Variants in KCND2 observed in about 807,000 individuals in gnomAD.
KCND2 encodes A-type voltage-gated potassium channel KCND2.
KCND2 carries 16 observed loss-of-function variants against 54.4 expected under a neutral mutation model. The ratio of observed to expected loss-of-function variants is 0.29; its 90% CI spans 0.20 to 0.45. The LOEUF is 0.45. Among genes scored for constraint, KCND2 ranks in the 20% least tolerant of loss-of-function variants. The pLI, the probability that KCND2 is intolerant of heterozygous loss-of-function variation, is 1.00. For missense variants in KCND2, 486 were observed against 824.2 expected, an observed-to-expected ratio of 0.59 and a Z score of 5.02; for synonymous variants, 317 against 310.7, an observed-to-expected ratio of 1.02 and a Z score of -0.21.
intron 1 of KCND2, among the ~76,000 whole-genome samples, chr7:120,630,152 A>T (rs1370070251): frequency 6.6e-6 from 1 of 152,180 alleles, no homozygotes; most frequent in East Asian, 1.9e-4. Context: ...GTCTCAAAAG[A>T]CAGTGTAGAT....
chr7:120,499,986 C>A (rs1802909039), intron 1 of KCND2, among the ~76,000 whole-genome samples: 2 of 152,070 alleles, frequency 1.3e-5, no homozygotes, highest in African/African-American at 2.4e-5. Flanking sequence ...AAATGAAATG[C>A]AATAGCCATA....
At chr7:120,383,795 A>G (rs1800949562) in intron 1 of KCND2, among the ~76,000 whole-genome samples, 1 of 152,128 alleles carries the variant, frequency 6.6e-6, no homozygotes, top group South Asian at 2.1e-4. Flanking sequence ...GCAGTGTCAA[A>G]TAAGGTATAA....
rs1279291550 is a variant in KCND2 at position 120,571,184 on chromosome 7, C to G, written c.1116-161719C>G. Among the ~76,000 whole-genome samples, 28 of 152,330 alleles carry G rather than the reference C, an allele frequency of 1.8e-4. 1 individual carries two copies. ...GTACAGACTACATGTCCCCAGACATCTGTTCCTAGTTCAGCCTTTACTATA... is the reference window on the plus strand; with the variant it reads ...GTACAGACTACATGTCCCCAGACATGTGTTCCTAGTTCAGCCTTTACTATA... On this transcript the variant is annotated intron_variant, in intron 1 of 5. Coordinates refer to ENST00000331113, the MANE Select transcript of KCND2 (RefSeq NM_012281.3).
chr7:120,424,336 AACG>A (rs1801670443), intron 1 of KCND2, among the ~76,000 whole-genome samples: 1 of 152,146 alleles, frequency 6.6e-6, no homozygotes, highest in Admixed American at 6.5e-5. Flanking sequence ...ATTGAACTAA[AACG>A]ACATGAGATA....
chr7:120,341,094 T>G (rs540869380), intron 1 of KCND2, among the ~76,000 whole-genome samples: 6 of 152,024 alleles, frequency 3.9e-5, no homozygotes, highest in Non-Finnish European at 8.8e-5. Context: ...AGTATATGAG[T>G]TTGGTTGTGG....
chr7:120,372,827 A>G (rs183450139), intron 1 of KCND2, among the ~76,000 whole-genome samples: 12 of 151,974 alleles, frequency 7.9e-5, no homozygotes, highest in Middle Eastern at 3.4e-3. Context: ...ACTGTCAAAT[A>G]CTCCAGGATC....
intron 1 of KCND2, among the ~76,000 whole-genome samples, chr7:120,650,819 G>A (rs1251998482): frequency 7.0e-6 from 1 of 143,884 alleles, no homozygotes; most frequent in Non-Finnish European, 1.5e-5. Context: ...CTGTTTGTTA[G>A]TTTTCCTTCT....
In KCND2 at chr7:120,364,261, A is replaced by G. The variant is rs185817333; in HGVS notation, c.1115+88514A>G. Reference sequence around the variant, plus strand: ...GGCCAAGTTCTCTGGGGGGAACCCCACCATTTCCCTCTGTGTCATCAACCA... The same window carrying G: ...GGCCAAGTTCTCTGGGGGGAACCCCGCCATTTCCCTCTGTGTCATCAACCA... On this transcript the variant is annotated intron_variant, in intron 1 of 5. Coordinates refer to ENST00000331113, the MANE Select transcript of KCND2 (RefSeq NM_012281.3). 4.3e-3 allele frequency among the ~76,000 whole-genome samples: 656 copies of G among 152,296 alleles called. 6 individuals are homozygous for G. The highest frequency in any genetic ancestry group is 0.015 in the African/African-American group (621 of 41,588).
intron 1 of KCND2, among the ~76,000 whole-genome samples, chr7:120,540,173 G>A (rs779251182): frequency 3.4e-4 from 51 of 152,090 alleles, no homozygotes; most frequent in South Asian, 8.3e-4. Context: ...TTGTTGGGAT[G>A]GGAGTTAGAA....
chr7:120,334,835 G>A (rs1301317641), intron 1 of KCND2, among the ~76,000 whole-genome samples: 3 of 152,138 alleles, frequency 2.0e-5, no homozygotes, highest in Non-Finnish European at 2.9e-5. Context: ...TCAGGCATAG[G>A]ATTTAAATTG....
chr7:120,644,108 T>C (rs931998052), intron 1 of KCND2, among the ~76,000 whole-genome samples: 1 of 152,204 alleles, frequency 6.6e-6, no homozygotes, highest in East Asian at 1.9e-4. Context: ...ATGAATGAAC[T>C]CTCTGCAGAG....
chr7:120,747,994 T>A lies in KCND2; in HGVS notation c.*136T>A. The A allele has an allele frequency of 1.4e-6, 1 of 736,552 alleles. No homozygotes were observed. Among genetic ancestry groups the A allele is most frequent in the South Asian group, 1.6e-5 (1 of 61,460 alleles). 45.6% of individuals were successfully genotyped at this position (736,552 alleles called of 1,614,324 possible). ...AAGGTTGGTAGTGAAACACAAAGCT[T>A]CCAATCTTAAGGATGTGAATAAAAC... is the stretch of plus-strand genomic sequence containing the variant. On this transcript the variant is annotated 3_prime_UTR_variant, in exon 6 of 6. Transcript: ENST00000331113.
At chr7:120,287,682 G>A (rs1799367283) in intron 1 of KCND2, among the ~76,000 whole-genome samples, 1 of 152,030 alleles carries the variant, frequency 6.6e-6, no homozygotes, top group African/African-American at 2.4e-5. Context: ...GTGAAATACT[G>A]TCTCTACTAA....
intron 1 of KCND2, among the ~76,000 whole-genome samples, chr7:120,427,033 A>G (rs1801718041): frequency 6.6e-6 from 1 of 152,170 alleles, no homozygotes; most frequent in Non-Finnish European, 1.5e-5. Flanking sequence ...GAATACAGAA[A>G]AATCCTAGAC....
chr7:120,278,560 C>T (rs2116250378), intron 1 of KCND2, among the ~76,000 whole-genome samples: 2 of 151,168 alleles, frequency 1.3e-5, no homozygotes, highest in South Asian at 4.2e-4. Flanking sequence ...AGAGCTTTGT[C>T]ATTCAGGACT....
At chr7:120,601,985 CT>C (rs1036097618) in intron 1 of KCND2, among the ~76,000 whole-genome samples, 1 of 152,114 alleles carries the variant, frequency 6.6e-6, no homozygotes, top group Non-Finnish European at 1.5e-5. Context: ...ATAAAACTGT[CT>C]AGTGAAGATA....
chr7:120,639,854 A>C (rs1020863271), intron 1 of KCND2, among the ~76,000 whole-genome samples: 5 of 152,104 alleles, frequency 3.3e-5, no homozygotes, highest in African/African-American at 9.7e-5. Context: ...CCGTGGGTAG[A>C]ATTTGTACCA....
At chr7:120,568,105 C>T (rs1214026797) in intron 1 of KCND2, among the ~76,000 whole-genome samples, 1 of 151,868 alleles carries the variant, frequency 6.6e-6, no homozygotes, top group Non-Finnish European at 1.5e-5. Context: ...TTAAATAAGC[C>T]TTTTCTCAAC....
intron 1 of KCND2, among the ~76,000 whole-genome samples, chr7:120,694,728 C>T (rs1404891008): frequency 6.6e-6 from 1 of 152,112 alleles, no homozygotes; most frequent in Non-Finnish European, 1.5e-5. Context: ...AACTGGCTAA[C>T]GCTGAAGTTG....
Sources: allele counts gnomAD v4.1 joint callset (sites outside exome capture counted in the v4.1 genomes callset), GRCh38; gene constraint gnomAD v4.1.1; transcripts MANE v1.5; gene names NCBI Gene and HGNC (gene_info 2026-07-23, HGNC 2026-07-21).